Variants in MACROD2 observed in about 807,000 individuals in gnomAD.
The protein encoded by MACROD2 is mono-ADP ribosylhydrolase 2, also known as ADP-ribose glycohydrolase MACROD2.
A neutral mutation model predicts 70.4 loss-of-function variants in MACROD2; 36 were observed. The observed-to-expected ratio is 0.51, with a 90% CI of 0.39 to 0.68. The LOEUF is 0.68. Ranked by LOEUF, MACROD2 falls within the 30% of genes least tolerant of loss-of-function variation. The pLI is 0.00. For missense variants in MACROD2, 496 were observed against 538.4 expected, an observed-to-expected ratio of 0.92 and a Z score of 0.78; for synonymous variants, 172 against 178.8, an observed-to-expected ratio of 0.96 and a Z score of 0.30.
intron 5 of MACROD2, among the ~76,000 whole-genome samples, chr20:14,958,731 C>T (rs2074558658): frequency 6.6e-6 from 1 of 152,130 alleles, no homozygotes; most frequent in Non-Finnish European, 1.5e-5. Flanking sequence ...CTGATTTTTC[C>T]ATGCTCATTC....
rs148331850 is a variant in MACROD2, at chr20:14,577,295, C to G, written c.301+83787C>G. The stretch of plus-strand genomic sequence containing the variant: ...GCCAACAGTTTTTTCATAATATGCT[C>G]AACCTTGAGAAAAACCCTGTTTAAT... On this transcript the variant is annotated intron_variant, in intron 4 of 17. Transcript: ENST00000684519. 1.3e-4 allele frequency among the ~76,000 whole-genome samples: 20 copies of G among 152,304 alleles called. No individual in the cohort carries two copies. In the East Asian group the frequency reaches 3.9e-3, roughly 29 times the overall value.
chr20:15,138,730 A>C (rs1210624124), intron 5 of MACROD2, among the ~76,000 whole-genome samples: 1 of 152,174 alleles, frequency 6.6e-6, no homozygotes, highest in Non-Finnish European at 1.5e-5. Context: ...ACTTGACATA[A>C]TTTGCATAAA....
At chr20:15,033,607 T>C (rs1047049968) in intron 5 of MACROD2, among the ~76,000 whole-genome samples, 1 of 152,232 alleles carries the variant, frequency 6.6e-6, no homozygotes, top group Non-Finnish European at 1.5e-5. Flanking sequence ...CCCAGTGGTG[T>C]GATGGTTTGT....
intron 3 of MACROD2, among the ~76,000 whole-genome samples, chr20:14,117,399 G>A (rs974865730): frequency 1.3e-5 from 2 of 152,120 alleles, no homozygotes; most frequent in African/African-American, 4.8e-5. Flanking sequence ...CATGTAGTTG[G>A]CCCTCGACAA....
intron 8 of MACROD2, among the ~76,000 whole-genome samples, chr20:15,548,172 G>A (rs150760998): frequency 8.4e-4 from 128 of 152,130 alleles, no homozygotes; most frequent in African/African-American, 2.9e-3. Context: ...TTGGAACTTA[G>A]CTTTACCTTG....
At chr20:15,276,808 C>G (rs1428423434) in intron 6 of MACROD2, among the ~76,000 whole-genome samples, 1 of 152,124 alleles carries the variant, frequency 6.6e-6, no homozygotes, top group African/African-American at 2.4e-5. Flanking sequence ...AAAACTTTGC[C>G]AGAAGAGACA....
At chr20:15,731,403 G>C (rs2050943322) in intron 8 of MACROD2, among the ~76,000 whole-genome samples, 3 of 57,752 alleles carry the variant, frequency 5.2e-5, no homozygotes, top group Admixed American at 1.7e-4. Flanking sequence ...TGTGGTATAA[G>C]GTGAGTTCAG....
chr20:16,035,966 AAGAG>A (rs1030413699), intron 15 of MACROD2, among the ~76,000 whole-genome samples: 4 of 142,924 alleles, frequency 2.8e-5, no homozygotes, highest in Non-Finnish European at 6.1e-5. Flanking sequence ...GCCCAGCATC[AAGAG>A]AGAGTGAAGT....
chr20:15,502,838 C>T (rs978999537), intron 8 of MACROD2, among the ~76,000 whole-genome samples: 6 of 152,130 alleles, frequency 3.9e-5, no homozygotes, highest in Non-Finnish European at 5.9e-5. Context: ...ACTGTTTGTA[C>T]GTCTTGAGTC....
At chr20:14,719,323 C>T (rs1003032442) in intron 5 of MACROD2, among the ~76,000 whole-genome samples, 1 of 151,522 alleles carries the variant, frequency 6.6e-6, no homozygotes, top group Non-Finnish European at 1.5e-5. Context: ...TACTTTTGTC[C>T]ACCTGTAAGA....
intron 5 of MACROD2, among the ~76,000 whole-genome samples, chr20:15,090,499 A>G (rs1316590634): frequency 6.6e-6 from 1 of 152,134 alleles, no homozygotes; most frequent in Admixed American, 6.5e-5. Flanking sequence ...ATTTCATGCA[A>G]TTGGCCTATT....
chr20:15,434,671 T>C (rs1207469522), intron 7 of MACROD2, among the ~76,000 whole-genome samples: 1 of 152,064 alleles, frequency 6.6e-6, no homozygotes, highest in Non-Finnish European at 1.5e-5. Context: ...CTACTGAGTA[T>C]TTATCCAGAG....
rs2073860006 is a variant in MACROD2 at position 14,898,701 on chromosome 20, A to G, written c.418+213742A>G. Among the ~76,000 whole-genome samples the G allele has an allele frequency of 1.3e-5, 2 of 152,210 alleles. 1 individual carries two copies. The highest frequency in any genetic ancestry group is 1.3e-4 in the Admixed American group (2 of 15,278). ...CCTGTGCTGGAATTATCCTACTGCC[A>G]CAGATAATGTCTCAACTGTCCTCAC... On this transcript the variant is annotated intron_variant, in intron 5 of 17. Transcript: ENST00000684519.
At chr20:14,645,445 C>T (rs566401882) in intron 4 of MACROD2, among the ~76,000 whole-genome samples, 7 of 152,044 alleles carry the variant, frequency 4.6e-5, no homozygotes, top group African/African-American at 1.7e-4. Context: ...GAATTGACTT[C>T]TGGAGACTGG....
chr20:14,572,252 G>A (rs1370849805), intron 4 of MACROD2, among the ~76,000 whole-genome samples: 2 of 152,116 alleles, frequency 1.3e-5, no homozygotes, highest in African/African-American at 2.4e-5. Context: ...ATCAGTTGGT[G>A]TTCATTTTTG....
chr20:15,969,055 T>C (rs2066189355), intron 13 of MACROD2, among the ~76,000 whole-genome samples: 1 of 151,694 alleles, frequency 6.6e-6, no homozygotes, highest in Admixed American at 6.6e-5. Context: ...CCCGATAAAC[T>C]CTCTGTTTTG....
intron 5 of MACROD2, among the ~76,000 whole-genome samples, chr20:14,841,278 T>A (rs528395403): frequency 3.3e-5 from 5 of 152,236 alleles, no homozygotes; most frequent in Admixed American, 2.0e-4. Flanking sequence ...TCTCTGACAA[T>A]CAAATCAGAG....
At chr20:15,002,520 C>T (rs907571124) in intron 5 of MACROD2, among the ~76,000 whole-genome samples, 17 of 152,002 alleles carry the variant, frequency 1.1e-4, no homozygotes, top group African/African-American at 4.1e-4. Flanking sequence ...TTCTTATGAT[C>T]AATGACGATA....
At chr20:15,349,768 A>AAAAAC (rs763718362) in intron 6 of MACROD2, among the ~76,000 whole-genome samples, 1 of 151,664 alleles carries the variant, frequency 6.6e-6, no homozygotes, top group African/African-American at 2.4e-5. Flanking sequence ...AAAAAAAAAA[A>AAAAAC]ACACACCACG....
Sources: gnomAD v4.1 joint callset for allele counts (sites outside exome capture counted in the v4.1 genomes callset) on GRCh38, gnomAD v4.1.1 for gene constraint, MANE v1.5 for transcripts, NCBI Gene and HGNC (gene_info 2026-07-23, HGNC 2026-07-21) for gene names.